CELF4: variants seen among roughly 807,000 people sequenced by gnomAD.
CELF4 encodes the protein CUGBP Elav-like family member 4, also known as CUG-BP- and ETR-3-like factor 4.
Under a neutral mutation model 59.9 loss-of-function variants are expected in CELF4, and 18 were observed. That is an observed-to-expected ratio of 0.30 (90% confidence interval 0.21 to 0.45). The LOEUF is 0.45. Among genes scored for constraint, CELF4 ranks in the 20% least tolerant of loss-of-function variants. The probability of loss-of-function intolerance (pLI) is 1.00; values close to 1 mark genes in which losing one functional copy is unlikely to be tolerated. For synonymous variants in CELF4, 261 were observed against 267.1 expected (o/e 0.98, Z 0.22); for missense variants, 456 against 689.0 (o/e 0.66, Z 3.79).
intron 2 of CELF4, among the ~76,000 whole-genome samples, chr18:37,448,823 C>T (rs1434632646): frequency 2.0e-5 from 3 of 152,222 alleles, no homozygotes; most frequent in African/African-American, 7.2e-5. Context: ...CCTTGCTCTT[C>T]AGAATGTGTC....
chr18:37,369,188 T>A (rs1293077733), intron 2 of CELF4, among the ~76,000 whole-genome samples: 4 of 152,058 alleles, frequency 2.6e-5, no homozygotes, highest in African/African-American at 9.7e-5. Flanking sequence ...ACCATGGGGC[T>A]CCCAACACCC....
intron 3 of CELF4, among the ~76,000 whole-genome samples, chr18:37,287,592 C>T (rs899644747): frequency 5.3e-5 from 8 of 152,220 alleles, no homozygotes; most frequent in African/African-American, 1.7e-4. Flanking sequence ...CAGCCCTGCT[C>T]TGAGTGGGGA....
At chr18:37,353,403 G>A (rs2098500515) in intron 2 of CELF4, among the ~76,000 whole-genome samples, 1 of 151,706 alleles carries the variant, frequency 6.6e-6, no homozygotes. Flanking sequence ...AGGGTCTGAG[G>A]TGATGGCTTG....
intron 2 of CELF4, among the ~76,000 whole-genome samples, chr18:37,445,553 A>C (rs1477676718): frequency 2.6e-5 from 4 of 151,936 alleles, no homozygotes; most frequent in Non-Finnish European, 5.9e-5. Flanking sequence ...ACAAGGACAC[A>C]ATGATTAAGA....
At chr18:37,395,431 C>T (rs1458095686) in intron 2 of CELF4, among the ~76,000 whole-genome samples, 5 of 152,202 alleles carry the variant, frequency 3.3e-5, no homozygotes, top group African/African-American at 4.8e-5. Flanking sequence ...GTATCCTCCC[C>T]GTTCCTGCGC....
chr18:37,249,220 C>T (rs1398815002), intron 12 of CELF4, among the ~76,000 whole-genome samples: 1 of 152,098 alleles, frequency 6.6e-6, no homozygotes, highest in East Asian at 1.9e-4. Context: ...GCCCTTAGAC[C>T]CACCCAGGAT....
intron 2 of CELF4, among the ~76,000 whole-genome samples, chr18:37,479,115 A>G (rs981619920): frequency 6.6e-6 from 1 of 152,170 alleles, no homozygotes; most frequent in African/African-American, 2.4e-5. Context: ...GTGCATGTGA[A>G]CGGCAGGCGA....
rs569304839 is a variant in CELF4 at position 37,416,165 on chromosome 18, G to C, written c.369+69360C>G. The stretch of plus-strand genomic sequence containing the variant: ...CAAGGCAGAGCCCAGTGGTCCCTTG[G>C]GGCCATTTGAGGTCATCCATCCATC... On this transcript the variant is annotated intron_variant, in intron 2 of 12. Transcript: ENST00000420428. 2.4e-4 allele frequency among the ~76,000 whole-genome samples: 37 copies of C among 151,056 alleles called. No individual in the cohort carries two copies. The South Asian group carries it at 7.8e-3, about 32-fold the overall frequency.
At chr18:37,310,884 T>C (rs610644) in intron 3 of CELF4, among the ~76,000 whole-genome samples, 74,872 of 151,962 alleles carry the variant, frequency 0.49, 18,575 homozygotes, top group South Asian at 0.64. Flanking sequence ...TGGGGGTCTC[T>C]CTCCTCCACG....
At chr18:37,365,510 G>A (rs2098767167) in intron 2 of CELF4, among the ~76,000 whole-genome samples, 1 of 114,752 alleles carries the variant, frequency 8.7e-6, no homozygotes, top group African/African-American at 3.5e-5. Flanking sequence ...TTTTGAGATG[G>A]AGTCTTGTTC....
intron 2 of CELF4, among the ~76,000 whole-genome samples, chr18:37,482,476 C>T (rs2099870562): frequency 6.6e-6 from 1 of 152,170 alleles, no homozygotes; most frequent in Non-Finnish European, 1.5e-5. Flanking sequence ...ACATGCCAAA[C>T]TCAAAAATAA....
At chr18:37,357,254 T>C (rs1423996903) in intron 2 of CELF4, among the ~76,000 whole-genome samples, 1 of 152,124 alleles carries the variant, frequency 6.6e-6, no homozygotes, top group Non-Finnish European at 1.5e-5. Context: ...AGGAGGATGA[T>C]ATGGTTTGGC....
chr18:37,387,423 C>A (rs1464706701), intron 2 of CELF4, among the ~76,000 whole-genome samples: 1 of 152,240 alleles, frequency 6.6e-6, no homozygotes, highest in East Asian at 1.9e-4. Flanking sequence ...CCAACTGCTT[C>A]CTTGACCTCC....
chr18:37,461,501 C>A (rs1243267292), intron 2 of CELF4, among the ~76,000 whole-genome samples: 1 of 152,188 alleles, frequency 6.6e-6, no homozygotes, highest in Non-Finnish European at 1.5e-5. Context: ...ATGAGGGGAA[C>A]CGCCCCCATG....
At chr18:37,535,075 C>G (rs2099972445) in intron 1 of CELF4, among the ~76,000 whole-genome samples, 1 of 152,212 alleles carries the variant, frequency 6.6e-6, no homozygotes, top group South Asian at 2.1e-4. Flanking sequence ...ATGGCTAGTC[C>G]TAGGCACCTG....
intron 8 of CELF4, among the ~76,000 whole-genome samples, chr18:37,267,091 C>T (rs553166213): frequency 2.0e-5 from 3 of 152,336 alleles, no homozygotes; most frequent in Middle Eastern, 3.4e-3. Flanking sequence ...CAGAGGGATG[C>T]GCCCTCACTG....
chr18:37,309,960 G>T (rs1171988463), intron 3 of CELF4, among the ~76,000 whole-genome samples: 1 of 150,870 alleles, frequency 6.6e-6, no homozygotes, highest in Non-Finnish European at 1.5e-5. Context: ...TTCCATTCTG[G>T]CAATTCACAT....
rs974315913 is a variant in CELF4 at position 37,254,616 on chromosome 18, C to T, written c.1334-678G>A. 2.6e-5 allele frequency among the ~76,000 whole-genome samples: 4 copies of T among 152,220 alleles called. No individual in the cohort carries two copies. The highest frequency in any genetic ancestry group is 5.9e-5 in the Non-Finnish European group (4 of 68,042). On this transcript the variant is annotated intron_variant, in intron 11 of 12. Transcript: ENST00000420428. The surrounding 1 kb of genome is among the most constrained non-coding windows in gnomAD (Gnocchi z 5.1). ...CGGGCGCCGTCGGCACCTCTCTTCTCCACGCCCTGCGCCGTGGACTAAGCA... is the reference window on the plus strand; with the variant it reads ...CGGGCGCCGTCGGCACCTCTCTTCTTCACGCCCTGCGCCGTGGACTAAGCA...
At chr18:37,553,610 C>T (rs1162838649) in intron 1 of CELF4, among the ~76,000 whole-genome samples, 1 of 152,204 alleles carries the variant, frequency 6.6e-6, no homozygotes, top group Non-Finnish European at 1.5e-5. Context: ...CACATGGATA[C>T]AGAAATGACA....
Sources: gnomAD v4.1 joint callset for allele counts (sites outside exome capture counted in the v4.1 genomes callset) on GRCh38, gnomAD v4.1.1 for gene constraint, Gnocchi (gnomAD v3.1) non-coding constraint, MANE v1.5 for transcripts, NCBI Gene and HGNC (gene_info 2026-07-23, HGNC 2026-07-21) for gene names.